Variants in MAGI2 observed in about 807,000 individuals in gnomAD.
MAGI2 encodes membrane associated guanylate kinase, WW and PDZ domain containing 2, also known as membrane-associated guanylate kinase, WW and PDZ domain-containing protein 2.
A neutral mutation model predicts 133.3 loss-of-function variants in MAGI2; 35 were observed. The ratio of observed to expected loss-of-function variants is 0.26; its 90% CI spans 0.20 to 0.35. The LOEUF is 0.35. Ranked by LOEUF, MAGI2 falls within the 10% of genes least tolerant of loss-of-function variation. The probability of loss-of-function intolerance (pLI) is 1.00; values close to 1 mark genes in which losing one functional copy is unlikely to be tolerated. For synonymous variants in MAGI2, 729 were observed against 710.6 expected, an observed-to-expected ratio of 1.03 and a Z score of -0.41; for missense variants, 1,636 against 1,863.4, an observed-to-expected ratio of 0.88 and a Z score of 2.25.
chr7:78,669,642 C>T (rs1203945509), intron 2 of MAGI2, among the ~76,000 whole-genome samples: 1 of 152,152 alleles, frequency 6.6e-6, no homozygotes, highest in Non-Finnish European at 1.5e-5. Flanking sequence ...AGACCAATAT[C>T]CTTGATGAAT....
chr7:79,028,712 A>C (rs1004069093), intron 1 of MAGI2, among the ~76,000 whole-genome samples: 2 of 152,192 alleles, frequency 1.3e-5, no homozygotes, highest in Non-Finnish European at 1.5e-5. Context: ...AGTCATGACA[A>C]ACATTTCAAA....
intron 2 of MAGI2, among the ~76,000 whole-genome samples, chr7:78,991,588 T>C (rs933865482): frequency 2.0e-5 from 3 of 151,072 alleles, no homozygotes; most frequent in African/African-American, 4.9e-5. Flanking sequence ...AGCTTCATTG[T>C]CCTTTTTTTT....
chr7:78,564,783 CTT>C (rs35069216), intron 3 of MAGI2, among the ~76,000 whole-genome samples: 930 of 64,084 alleles, frequency 0.015, no homozygotes, highest in East Asian at 0.052. Flanking sequence ...CTTTGACATT[CTT>C]TTTTTTTTTT....
intron 1 of MAGI2, among the ~76,000 whole-genome samples, chr7:79,229,955 C>CCA (rs1831216258): frequency 8.7e-6 from 1 of 114,520 alleles, no homozygotes; most frequent in African/African-American, 3.4e-5. Flanking sequence ...TCCCCCCACC[C>CCA]TCACAGTCTT....
At chr7:79,100,511 C>T (rs964599855) in intron 1 of MAGI2, among the ~76,000 whole-genome samples, 2 of 151,190 alleles carry the variant, frequency 1.3e-5, no homozygotes, top group Non-Finnish European at 3.0e-5. Flanking sequence ...TTTTCTTAGC[C>T]ATTTCTATTT....
chr7:78,673,678 CT>C (rs1196479862), intron 2 of MAGI2, among the ~76,000 whole-genome samples: 3 of 152,134 alleles, frequency 2.0e-5, no homozygotes, highest in East Asian at 3.9e-4. Flanking sequence ...CTGAGACCCA[CT>C]CACATTAGCC....
chr7:78,136,705 A>G (rs1326382054), intron 16 of MAGI2, among the ~76,000 whole-genome samples: 4 of 152,202 alleles, frequency 2.6e-5, no homozygotes, highest in Admixed American at 2.6e-4. Flanking sequence ...TACTGCTTTG[A>G]TCTGTAGAAA....
chr7:78,573,008 T>C (rs1411495226), intron 3 of MAGI2, among the ~76,000 whole-genome samples: 1 of 108,956 alleles, frequency 9.2e-6, no homozygotes, highest in Non-Finnish European at 1.8e-5. Flanking sequence ...GGAACAGAAC[T>C]AATAGGATAT....
chr7:78,394,759 G>A (rs181825522), intron 6 of MAGI2, among the ~76,000 whole-genome samples: 1 of 151,956 alleles, frequency 6.6e-6, no homozygotes, highest in East Asian at 1.9e-4. Context: ...ATTACTCATC[G>A]ATCTTTGCAT....
chr7:78,971,134 C>T (rs183259483), intron 2 of MAGI2, among the ~76,000 whole-genome samples: 5 of 151,904 alleles, frequency 3.3e-5, no homozygotes, highest in Non-Finnish European at 7.4e-5. Context: ...TACAGTAGAG[C>T]CCCCAGAAGA....
chr7:78,034,266 T>C lies in MAGI2; in HGVS notation c.3707-14290A>G, dbSNP rs369805923. ...GACTTCAAATGTGATGATTAGAAAG[T>C]TGGGGGGAAAAAAGACGAAAGGTGC... On this transcript the variant is annotated intron_variant, in intron 21 of 21. Transcript: ENST00000354212. Among the ~76,000 whole-genome samples the C allele has an allele frequency of 1.8e-4, 27 of 151,962 alleles. 2 individuals are homozygous for C. Among genetic ancestry groups the C allele is most frequent in the East Asian group, 1.2e-3 (6 of 5,180 alleles).
At chr7:78,652,982 A>G (rs533253477) in intron 2 of MAGI2, among the ~76,000 whole-genome samples, 23 of 152,266 alleles carry the variant, frequency 1.5e-4, no homozygotes, top group Non-Finnish European at 2.8e-4. Context: ...AAGGATATGA[A>G]CAGACACTTC....
At chr7:79,234,289 C>G (rs1359559804) in intron 1 of MAGI2, among the ~76,000 whole-genome samples, 37 of 140,292 alleles carry the variant, frequency 2.6e-4, no homozygotes, top group South Asian at 4.7e-4. Context: ...TTGCTCTTCT[C>G]GAGGAGTATC....
intron 14 of MAGI2, among the ~76,000 whole-genome samples, chr7:78,177,583 C>T (rs561484825): frequency 1.5e-4 from 23 of 152,276 alleles, no homozygotes; most frequent in Non-Finnish European, 3.1e-4. Context: ...TGAGATTCTG[C>T]AGTGCTGAGC....
chr7:78,764,368 T>C (rs1025868608), intron 2 of MAGI2, among the ~76,000 whole-genome samples: 1 of 152,142 alleles, frequency 6.6e-6, no homozygotes, highest in African/African-American at 2.4e-5. Context: ...AATTCCAGTG[T>C]CCAGGAATAT....
intron 16 of MAGI2, among the ~76,000 whole-genome samples, chr7:78,146,124 TA>T (rs568342173): frequency 6.6e-4 from 100 of 152,290 alleles, no homozygotes; most frequent in Middle Eastern, 3.4e-3. Context: ...ATTTTAAACA[TA>T]AAAATTTCAT....
At chr7:78,131,086 C>T (rs577551289) in intron 18 of MAGI2, among the ~76,000 whole-genome samples, 1 of 152,312 alleles carries the variant, frequency 6.6e-6, no homozygotes, top group South Asian at 2.1e-4. Context: ...CAAGAAGAGT[C>T]TGAAGCTGGC....
At chr7:78,729,499 T>A (rs1440228909) in intron 2 of MAGI2, among the ~76,000 whole-genome samples, 2 of 152,168 alleles carry the variant, frequency 1.3e-5, no homozygotes, top group Admixed American at 1.3e-4. Flanking sequence ...GGAGAAGGCA[T>A]CTTGGCCAAC....
At chr7:78,252,317 T>C (rs1055080545) in intron 10 of MAGI2, 1 of 151,976 alleles carries the variant, frequency 6.6e-6, no homozygotes, top group Non-Finnish European at 1.5e-5. Context: ...AGCACAAGAA[T>C]AGACAAACAG....
Sources: allele counts gnomAD v4.1 joint callset (sites outside exome capture counted in the v4.1 genomes callset), GRCh38; gene constraint gnomAD v4.1.1; transcripts MANE v1.5; gene names NCBI Gene and HGNC (gene_info 2026-07-23, HGNC 2026-07-21).